The following SYN3 variants were observed in gnomAD, a reference collection of about 807,000 sequenced individuals.
SYN3 encodes synapsin III.
In SYN3, 35 loss-of-function variants were observed where a neutral mutation model predicts 65.8. That is an observed-to-expected ratio of 0.53 (90% CI 0.41 to 0.70). The LOEUF is 0.70. SYN3 is among the 30% of genes least tolerant of loss of function. The pLI, the probability that SYN3 is intolerant of heterozygous loss-of-function variation, is 0.00. For synonymous variants in SYN3, 270 were observed against 292.9 expected (o/e 0.92, Z 0.80); for missense variants, 680 against 749.0 (o/e 0.91, Z 1.08).
intron 6 of SYN3, among the ~76,000 whole-genome samples, chr22:32,761,035 G>A (rs142157643): frequency 4.9e-4 from 74 of 152,272 alleles, no homozygotes; most frequent in African/African-American, 1.7e-3. Context: ...GGGGTACACG[G>A]TGTCCCAGCC....
intron 6 of SYN3, among the ~76,000 whole-genome samples, chr22:32,728,239 T>G (rs930015947): frequency 2.6e-5 from 4 of 152,228 alleles, no homozygotes; most frequent in African/African-American, 9.6e-5. Context: ...CATTGACAAG[T>G]GAGATCTAAT....
intron 6 of SYN3, among the ~76,000 whole-genome samples, chr22:32,824,341 T>A (rs2047340704): frequency 8.5e-6 from 1 of 117,634 alleles, no homozygotes; most frequent in South Asian, 3.0e-4. Flanking sequence ...GTTCCATCAG[T>A]GTTGTGACAG....
chr22:32,968,786 G>A (rs1404178762), intron 3 of SYN3, among the ~76,000 whole-genome samples: 6 of 152,194 alleles, frequency 3.9e-5, no homozygotes, highest in East Asian at 1.9e-4. Context: ...CTCTACGATA[G>A]AGAGATCCTC....
At position 33,054,248 on chromosome 22, in the gene SYN3, A is replaced by C. The variant is rs991086327; in HGVS notation, c.-163+4044T>G. Among the ~76,000 whole-genome samples the C allele has an allele frequency of 3.3e-5, 5 of 152,124 alleles. No individual in the cohort carries two copies. In the South Asian group the frequency reaches 1.0e-3, roughly 32 times the overall value. On this transcript the variant is annotated intron_variant, in intron 1 of 13. Coordinates refer to ENST00000358763, the MANE Select transcript of SYN3 (RefSeq NM_003490.4). ...CCCAGACTCCCCTCCTCGACTCCAGACTCACAGCCAATTCCTGTCTCTATG... is the reference window on the plus strand; with the variant it reads ...CCCAGACTCCCCTCCTCGACTCCAGCCTCACAGCCAATTCCTGTCTCTATG...
chr22:32,641,607 CAA>C (rs34461957), intron 6 of SYN3, among the ~76,000 whole-genome samples: 1,584 of 67,870 alleles, frequency 0.023, 8 homozygotes, highest in Middle Eastern at 0.062. Context: ...GACTCCATCT[CAA>C]AAAAAAAAAA....
At chr22:32,751,083 C>G (rs1454032228) in intron 6 of SYN3, among the ~76,000 whole-genome samples, 2 of 152,012 alleles carry the variant, frequency 1.3e-5, no homozygotes, top group Non-Finnish European at 2.9e-5. Flanking sequence ...ACCAGGAGCC[C>G]TGAGCCCAGC....
intron 2 of SYN3, among the ~76,000 whole-genome samples, chr22:33,003,287 T>G (rs2053114093): frequency 6.6e-6 from 1 of 151,914 alleles, no homozygotes; most frequent in Admixed American, 6.6e-5. Context: ...CAGGCAGAAG[T>G]TGGAACAGTT....
chr22:32,983,076 T>C (rs2052417468), intron 2 of SYN3, among the ~76,000 whole-genome samples: 2 of 152,236 alleles, frequency 1.3e-5, no homozygotes, highest in South Asian at 4.1e-4. Flanking sequence ...CTCTTTTTGA[T>C]TATTGGTATG....
chr22:32,630,231 C>T (rs1004947758), intron 6 of SYN3, among the ~76,000 whole-genome samples: 3 of 152,114 alleles, frequency 2.0e-5, no homozygotes, highest in African/African-American at 4.8e-5. Flanking sequence ...ATCTGCCCCC[C>T]TCGGCCTCCC....
chr22:32,632,239 G>A (rs966775129), intron 6 of SYN3, among the ~76,000 whole-genome samples: 1 of 152,232 alleles, frequency 6.6e-6, no homozygotes, highest in African/African-American at 2.4e-5. Context: ...GACATTGCAG[G>A]CAGCAGCTTA....
chr22:32,869,297 T>C (rs1277809799), intron 4 of SYN3, among the ~76,000 whole-genome samples, 172 bp from the exon 5 acceptor site: 1 of 148,006 alleles, frequency 6.8e-6, no homozygotes, highest in African/African-American at 2.5e-5. Context: ...GCTACTCCAC[T>C]ATAAAGTCAA....
intron 6 of SYN3, chr22:32,859,231 C>A: frequency 6.2e-7 from 1 of 1,614,174 alleles, no homozygotes; most frequent in Non-Finnish European, 8.5e-7. Flanking sequence ...GAACGAGTGT[C>A]TCTGGACCGA....
At chr22:32,724,467 T>A (rs949007983) in intron 6 of SYN3, among the ~76,000 whole-genome samples, 1 of 152,184 alleles carries the variant, frequency 6.6e-6, no homozygotes, top group Admixed American at 6.5e-5. Flanking sequence ...GCAAGTTACC[T>A]AACCTTTCTG....
chr22:32,686,391 CTT>C (rs1210786143), intron 6 of SYN3, among the ~76,000 whole-genome samples: 18 of 138,110 alleles, frequency 1.3e-4, no homozygotes, highest in Admixed American at 2.2e-4. Flanking sequence ...TCTACATCTC[CTT>C]TTTTTTTTTT....
At chr22:32,988,506 G>C (rs1413391613) in intron 2 of SYN3, among the ~76,000 whole-genome samples, 1 of 152,040 alleles carries the variant, frequency 6.6e-6, no homozygotes, top group African/African-American at 2.4e-5. Flanking sequence ...CTATGTGCCA[G>C]AGTCTGCAGG....
At chr22:32,653,440 A>C (rs2060100575) in intron 6 of SYN3, among the ~76,000 whole-genome samples, 1 of 152,218 alleles carries the variant, frequency 6.6e-6, no homozygotes, top group African/African-American at 2.4e-5. Flanking sequence ...CAAACAAAAA[A>C]GGTTTACAAG....
At chr22:32,554,465 C>T (rs957013790) in intron 7 of SYN3, among the ~76,000 whole-genome samples, 1 of 152,138 alleles carries the variant, frequency 6.6e-6, no homozygotes, top group Admixed American at 6.5e-5. Flanking sequence ...AATATAAGCT[C>T]ATAAGACTAG....
intron 4 of SYN3, among the ~76,000 whole-genome samples, chr22:32,874,036 G>T (rs2048920146): frequency 6.6e-6 from 1 of 152,078 alleles, no homozygotes; most frequent in African/African-American, 2.4e-5. Context: ...TGGAAGGCTA[G>T]GGCACAAGAA....
intron 6 of SYN3, among the ~76,000 whole-genome samples, chr22:32,630,484 G>A (rs539422113): frequency 6.6e-6 from 1 of 152,254 alleles, no homozygotes; most frequent in South Asian, 2.1e-4. Flanking sequence ...ATGAAGATAG[G>A]ATCCAACCCT....
Sources: gnomAD v4.1 joint callset for allele counts (sites outside exome capture counted in the v4.1 genomes callset) on GRCh38, gnomAD v4.1.1 for gene constraint, MANE v1.5 for transcripts, NCBI Gene and HGNC (gene_info 2026-07-23, HGNC 2026-07-21) for gene names.